Variants in RBFOX1 observed in about 807,000 individuals in gnomAD.
The protein encoded by RBFOX1 is RNA binding protein fox-1 homolog 1.
A neutral mutation model predicts 57.7 loss-of-function variants in RBFOX1; 8 were observed. That is an observed-to-expected ratio of 0.14 (90% CI 0.08 to 0.25). RBFOX1 has a LOEUF of 0.25. Ranked by LOEUF, RBFOX1 falls within the 10% of genes least tolerant of loss-of-function variation. RBFOX1 has a pLI of 1.00. For synonymous variants in RBFOX1, 326 were observed against 222.4 expected (o/e 1.47, Z -4.15); for missense variants, 611 against 548.5 (o/e 1.11, Z -1.14).
At chr16:5,325,123 C>T (rs1018045998) in intron 1 of RBFOX1, among the ~76,000 whole-genome samples, 1 of 152,180 alleles carries the variant, frequency 6.6e-6, no homozygotes, top group African/African-American at 2.4e-5. Flanking sequence ...CTCACTGACG[C>T]TTAAGAAGCG....
At chr16:6,002,969 C>T (rs184219728) in intron 4 of RBFOX1, among the ~76,000 whole-genome samples, 70 of 152,084 alleles carry the variant, frequency 4.6e-4, no homozygotes, top group African/African-American at 1.6e-3. Context: ...CAATTTTCCT[C>T]GTTGGGGGAC....
At chr16:5,465,157 C>T (rs1567550905) in intron 1 of RBFOX1, among the ~76,000 whole-genome samples, 1 of 152,146 alleles carries the variant, frequency 6.6e-6, no homozygotes, top group Non-Finnish European at 1.5e-5. Flanking sequence ...GTTCTGGAGT[C>T]CAGAAGTCCA....
intron 2 of RBFOX1, among the ~76,000 whole-genome samples, chr16:5,468,113 C>T (rs1242470729): frequency 6.6e-6 from 1 of 152,162 alleles, no homozygotes; most frequent in Non-Finnish European, 1.5e-5. Flanking sequence ...GTCCACCCTT[C>T]CCCAGGTTCC....
At chr16:7,326,762 C>T (rs1023560950) in intron 4 of RBFOX1, among the ~76,000 whole-genome samples, 1 of 151,970 alleles carries the variant, frequency 6.6e-6, no homozygotes, top group Admixed American at 6.6e-5. Context: ...AGATCCAAAC[C>T]CAGCCTCTCC....
chr16:6,239,021 C>T (rs1383204677), intron 1 of RBFOX1, among the ~76,000 whole-genome samples: 2 of 151,172 alleles, frequency 1.3e-5, no homozygotes, highest in Admixed American at 6.6e-5. Flanking sequence ...TTTTTTTGTA[C>T]CCATTAACTT....
chr16:6,289,227 C>A (rs921133720), intron 1 of RBFOX1, among the ~76,000 whole-genome samples: 1 of 152,018 alleles, frequency 6.6e-6, no homozygotes, highest in African/African-American at 2.4e-5. Context: ...CAGAGGTATT[C>A]GTTCCTTGAC....
chr16:6,055,312 G>T (rs1323458701), intron 1 of RBFOX1, among the ~76,000 whole-genome samples: 1 of 152,092 alleles, frequency 6.6e-6, no homozygotes, highest in Non-Finnish European at 1.5e-5. Flanking sequence ...AACAGGCATT[G>T]CTGGGCGCGG....
chr16:7,346,284 A>C (rs553208829), intron 4 of RBFOX1, among the ~76,000 whole-genome samples: 1 of 151,936 alleles, frequency 6.6e-6, no homozygotes, highest in African/African-American at 2.4e-5. Context: ...GGACACACAC[A>C]CCATGATGTG....
At chr16:6,848,932 C>T (rs1240618902) in intron 3 of RBFOX1, among the ~76,000 whole-genome samples, 3 of 152,172 alleles carry the variant, frequency 2.0e-5, no homozygotes, top group Non-Finnish European at 2.9e-5. Flanking sequence ...GAGAATGTCT[C>T]ACCCTGGGTA....
intron 1 of RBFOX1, among the ~76,000 whole-genome samples, chr16:5,318,755 A>G (rs2151242680): frequency 6.6e-6 from 1 of 152,302 alleles, no homozygotes; most frequent in South Asian, 2.1e-4. Context: ...AGGGATTTGC[A>G]GATATTAAGG....
chr16:5,496,247 A>T (rs998134577), intron 2 of RBFOX1, among the ~76,000 whole-genome samples: 1 of 152,214 alleles, frequency 6.6e-6, no homozygotes, highest in African/African-American at 2.4e-5. Context: ...TCCCTTTGCA[A>T]TAAATCTCTG....
At chr16:5,715,698 A>G (rs948450171) in intron 3 of RBFOX1, among the ~76,000 whole-genome samples, 1 of 152,206 alleles carries the variant, frequency 6.6e-6, no homozygotes, top group African/African-American at 2.4e-5. Flanking sequence ...TTCTCAGGAA[A>G]GCAAGCAATG....
intron 4 of RBFOX1, among the ~76,000 whole-genome samples, chr16:5,985,902 A>G (rs1054921133): frequency 2.0e-5 from 3 of 152,318 alleles, no homozygotes; most frequent in African/African-American, 7.2e-5. Context: ...AATGAGGCCA[A>G]GGCAAACCGG....
intron 3 of RBFOX1, among the ~76,000 whole-genome samples, chr16:5,606,490 C>G (rs909100442): frequency 6.6e-6 from 1 of 152,044 alleles, no homozygotes; most frequent in African/African-American, 2.4e-5. Context: ...TCTCACTCAC[C>G]TCCTCTCTCC....
At chr16:6,553,621 C>G (rs988879955) in intron 2 of RBFOX1, among the ~76,000 whole-genome samples, 5 of 151,744 alleles carry the variant, frequency 3.3e-5, no homozygotes, top group Non-Finnish European at 7.4e-5. Flanking sequence ...AGAGTAGACG[C>G]GGTGGGGATG....
chr16:5,428,604 G>C (rs472051), intron 1 of RBFOX1, among the ~76,000 whole-genome samples: 88,977 of 151,808 alleles, frequency 0.59, 26,342 homozygotes, highest in East Asian at 0.67. Context: ...AAGGACTGAC[G>C]TTAGCCGGGG....
At chr16:7,363,495 G>T (rs199927215) in intron 4 of RBFOX1, among the ~76,000 whole-genome samples, 1 of 149,262 alleles carries the variant, frequency 6.7e-6, no homozygotes, top group African/African-American at 2.5e-5. Flanking sequence ...GCTAATAAAG[G>T]AAAAAAAAAA....
chr16:5,391,823 TATATATACACACACACC>T (rs1001217560), intron 1 of RBFOX1, among the ~76,000 whole-genome samples: 2 of 151,284 alleles, frequency 1.3e-5, no homozygotes, highest in African/African-American at 2.4e-5. Context: ...TGTGTGTGTA[TATATATACACACACACC>T]ATATATAAAG....
At chr16:6,793,708 C>A (rs1296251207) in intron 3 of RBFOX1, among the ~76,000 whole-genome samples, 1 of 152,084 alleles carries the variant, frequency 6.6e-6, no homozygotes, top group Non-Finnish European at 1.5e-5. Context: ...CATCTTTTCA[C>A]CCTGTTGTTA....
Sources: allele counts gnomAD v4.1 joint callset (sites outside exome capture counted in the v4.1 genomes callset), GRCh38; gene constraint gnomAD v4.1.1; transcripts MANE v1.5; gene names NCBI Gene and HGNC (gene_info 2026-07-23, HGNC 2026-07-21).